The following DPF3 variants were observed in gnomAD, a reference collection of about 807,000 sequenced individuals.
The protein encoded by DPF3 is double PHD fingers 3, also known as zinc finger protein DPF3.
In DPF3, 18 loss-of-function variants were observed where a neutral mutation model predicts 56.8. That is an observed-to-expected ratio of 0.32 (90% CI 0.22 to 0.47). The LOEUF (loss-of-function observed/expected upper bound fraction) is 0.47, where lower values mean the gene tolerates loss of function less well. DPF3 is among the 20% of genes least tolerant of loss of function. The probability of loss-of-function intolerance (pLI) is 1.00; values close to 1 mark genes in which losing one functional copy is unlikely to be tolerated. For synonymous variants in DPF3, 188 were observed against 180.2 expected (o/e 1.04, Z -0.35); for missense variants, 403 against 488.8 (o/e 0.82, Z 1.65).
At chr14:72,623,261 G>A (rs1231862845) in intron 9 of DPF3, among the ~76,000 whole-genome samples, 4 of 151,946 alleles carry the variant, frequency 2.6e-5, no homozygotes, top group Non-Finnish European at 5.9e-5. Flanking sequence ...TTTGATTTTA[G>A]AACCAATAAA....
intron 6 of DPF3, among the ~76,000 whole-genome samples, chr14:72,701,557 G>T (rs756724286): frequency 3.3e-5 from 5 of 152,092 alleles, no homozygotes; most frequent in Non-Finnish European, 5.9e-5. Flanking sequence ...GGGTCGGGGG[G>T]AGCAGGGAGG....
intron 1 of DPF3, among the ~76,000 whole-genome samples, chr14:72,865,335 A>G (rs1041533752): frequency 1.3e-5 from 2 of 152,216 alleles, no homozygotes; most frequent in Non-Finnish European, 1.5e-5. Flanking sequence ...AATTTCTGAT[A>G]TTGTATGCAC....
At chr14:72,866,714 G>A (rs562721849) in intron 1 of DPF3, among the ~76,000 whole-genome samples, 1 of 150,548 alleles carries the variant, frequency 6.6e-6, no homozygotes, top group Non-Finnish European at 1.5e-5. Context: ...AAATTAGCTG[G>A]GCATGGTGGC....
intron 1 of DPF3, among the ~76,000 whole-genome samples, chr14:72,805,678 T>G (rs1286644079): frequency 5.3e-5 from 8 of 152,104 alleles, no homozygotes; most frequent in African/African-American, 1.2e-4. Context: ...AAATCCCGTC[T>G]CTACTAAAAA....
At chr14:72,824,551 C>CTTTTTTTTTTTTTTTTTTTTT (rs375498304) in intron 1 of DPF3, among the ~76,000 whole-genome samples, 6 of 143,252 alleles carry the variant, frequency 4.2e-5, no homozygotes, top group Admixed American at 7.1e-5. Context: ...TTTTCTTTTT[C>CTTTTTTTTTTTTTTTTTTTTT]TTTTTTTTTT....
intron 1 of DPF3, among the ~76,000 whole-genome samples, chr14:72,885,882 AT>A (rs1418454789): frequency 6.6e-6 from 1 of 152,382 alleles, no homozygotes; most frequent in East Asian, 1.9e-4. Flanking sequence ...AGTTCTGACT[AT>A]GCTACAACAT....
Position 72,723,693 on chromosome 14 carries a change from C to T in DPF3, c.465G>A (p.Gly155=). Reference sequence around the variant, plus strand: ...CCTCTTCCAAATCCTCTTCTTCATTCCCTTCTTCTACATTTTCATCATTTT... The same window carrying T: ...CCTCTTCCAAATCCTCTTCTTCATTTCCTTCTTCTACATTTTCATCATTTT... ...VLENDENVEE[G]NEEEDLEEDI... The change falls in exon 5 of 11, where the codon GGG becomes GGA. Residue 155 remains glycine, a synonymous_variant. Transcript: ENST00000556509. 6.3e-7 allele frequency: 1 copy of T among 1,588,488 alleles called. No homozygotes were observed. Among genetic ancestry groups the T allele is most frequent in the Non-Finnish European group, 8.5e-7 (1 of 1,171,894 alleles).
intron 1 of DPF3, among the ~76,000 whole-genome samples, chr14:72,893,377 T>G (rs8007768): frequency 0.93 from 140,739 of 152,124 alleles, 65,356 homozygotes; most frequent in East Asian, 1. Flanking sequence ...AGACACACGC[T>G]CGATCGCCCG....
chr14:72,892,276 G>A, intron 1 of DPF3: 1 of 1,535,518 alleles, frequency 6.5e-7, no homozygotes, highest in Non-Finnish European at 8.7e-7. Context: ...CATCAGCGGT[G>A]TTGCAGCGAA....
intron 3 of DPF3, among the ~76,000 whole-genome samples, chr14:72,732,938 C>A (rs1889730772): frequency 6.7e-6 from 1 of 149,096 alleles, no homozygotes; most frequent in African/African-American, 2.5e-5. Context: ...CTCTCTCTTT[C>A]TTTCTCTTTT....
intron 6 of DPF3, among the ~76,000 whole-genome samples, chr14:72,699,716 C>T (rs1383110964): frequency 1.3e-5 from 2 of 152,242 alleles, no homozygotes; most frequent in African/African-American, 4.8e-5. Flanking sequence ...TCACAGCAAC[C>T]TGCATCCCCA....
At chr14:72,838,905 A>ATATATATATATATATATATATTTTTTT in intron 1 of DPF3, among the ~76,000 whole-genome samples, 6 of 64,478 alleles carry the variant, frequency 9.3e-5, no homozygotes, top group Admixed American at 1.9e-4. Flanking sequence ...TATCATATAT[A>ATATATATATATATATATATATTTTTTT]TTCTTTTTTT....
intron 6 of DPF3, among the ~76,000 whole-genome samples, chr14:72,696,517 C>T (rs371540182): frequency 3.9e-5 from 6 of 152,202 alleles, no homozygotes; most frequent in African/African-American, 4.8e-5. Context: ...ATACATACTA[C>T]GCCTTCAAAA....
intron 1 of DPF3, among the ~76,000 whole-genome samples, chr14:72,796,542 T>G (rs909537749): frequency 1.3e-5 from 2 of 152,180 alleles, no homozygotes; most frequent in Non-Finnish European, 2.9e-5. Flanking sequence ...CAGGAAAATC[T>G]GCCTCTTAAG....
At chr14:72,871,844 C>G (rs1171475165) in intron 1 of DPF3, among the ~76,000 whole-genome samples, 1 of 152,156 alleles carries the variant, frequency 6.6e-6, no homozygotes, top group African/African-American at 2.4e-5. Context: ...GGATGGTGGC[C>G]CTCTTCTCAC....
chr14:72,670,191 A>G, intron 8 of DPF3: 1 of 986,030 alleles, frequency 1.0e-6, no homozygotes, highest in Non-Finnish European at 1.2e-6. Context: ...GGGGAAACAC[A>G]CGATGATGTC....
chr14:72,660,158 T>C (rs577124455), intron 8 of DPF3, among the ~76,000 whole-genome samples: 26 of 151,980 alleles, frequency 1.7e-4, no homozygotes, highest in Middle Eastern at 3.2e-3. Context: ...ATGTACTTAA[T>C]GACACAGAAC....
chr14:72,732,232 G>A (rs527632495), intron 3 of DPF3, among the ~76,000 whole-genome samples: 7 of 152,330 alleles, frequency 4.6e-5, no homozygotes, highest in East Asian at 1.9e-4. Flanking sequence ...CCATGACATC[G>A]GACAAGGCAG....
At chr14:72,619,395 C>CA in intron 10 of DPF3, 28 bp from the exon 11 acceptor site, 1 of 1,535,530 alleles carries the variant, frequency 6.5e-7, no homozygotes. Context: ...GCTTTAGTAG[C>CA]AGCCCCTCTG....
Sources: gnomAD v4.1 joint callset for allele counts (sites outside exome capture counted in the v4.1 genomes callset) on GRCh38, gnomAD v4.1.1 for gene constraint, MANE v1.5 for transcripts, NCBI Gene and HGNC (gene_info 2026-07-23, HGNC 2026-07-21) for gene names.